Variants in XKR9 observed in about 807,000 individuals in gnomAD.
XKR9 encodes XK related 9.
In XKR9, 32 loss-of-function variants were observed where a neutral mutation model predicts 32.0. The ratio of observed to expected loss-of-function variants is 1.00; its 90% CI spans 0.76 to 1.34. The LOEUF (loss-of-function observed/expected upper bound fraction) is 1.34, where lower values mean the gene tolerates loss of function less well. Ranked by LOEUF, XKR9 falls within the 40% of genes most tolerant of loss-of-function variation. The pLI is 0.00. For synonymous variants in XKR9, 168 were observed against 143.4 expected (o/e 1.17, Z -1.22); for missense variants, 546 against 429.7 (o/e 1.27, Z -2.39).
At chr8:71,044,143 T>C in the XKR9 span, among the ~76,000 whole-genome samples, 1 of 152,192 alleles carries the variant, frequency 6.6e-6, no homozygotes, top group Non-Finnish European at 1.5e-5. Flanking sequence ...CTAGGGGTAA[T>C]TTATTTGAAA....
Position 70,669,397 on chromosome 8 carries a change from C to T in XKR9, c.-502C>T, listed in dbSNP as rs1021969093. On this transcript the variant is annotated 5_prime_UTR_variant, in exon 1 of 5. Transcript: ENST00000408926. ...CAGTGGTGGGAAGGCTGGCGCGAGG[C>T]GTGAGGTGGCGTGAGGCGAAGCTGG... The T allele has an allele frequency of 4.9e-6, 2 of 405,010 alleles. No homozygotes were observed. Among genetic ancestry groups the T allele is most frequent in the South Asian group, 2.8e-5 (1 of 35,474 alleles). 25.1% of individuals were successfully genotyped at this position (405,010 alleles called of 1,614,324 possible).
At chr8:70,690,201 C>T (rs1391917878) in intron 3 of XKR9, among the ~76,000 whole-genome samples, 2 of 152,088 alleles carry the variant, frequency 1.3e-5, no homozygotes, top group Non-Finnish European at 2.9e-5. Context: ...TATTACATCA[C>T]TCAGGTATTA....
the XKR9 span, among the ~76,000 whole-genome samples, chr8:71,046,945 A>G: frequency 1.3e-5 from 2 of 152,214 alleles, no homozygotes; most frequent in African/African-American, 4.8e-5. Flanking sequence ...TGGTCCTGAG[A>G]AAGAACATGG....
the XKR9 span, among the ~76,000 whole-genome samples, chr8:71,004,846 CTTTTTTT>C: frequency 2.0e-5 from 3 of 151,934 alleles, no homozygotes; most frequent in African/African-American, 7.3e-5. Context: ...TGATTTTTTT[CTTTTTTT>C]CTTTTTGTCA....
At chr8:70,775,859 C>T (rs1214905511) in intron 2 of XKR9, among the ~76,000 whole-genome samples, 7 of 151,944 alleles carry the variant, frequency 4.6e-5, no homozygotes, top group Admixed American at 1.3e-4. Context: ...ATCCTCTCAC[C>T]TTAGCCTCCT....
At chr8:70,677,443 T>A (rs1284185993) in intron 2 of XKR9, among the ~76,000 whole-genome samples, 1 of 152,184 alleles carries the variant, frequency 6.6e-6, no homozygotes, top group Admixed American at 6.5e-5. Flanking sequence ...CTACTGCACC[T>A]GGCCAAGATT....
At chr8:70,932,756 T>A in the XKR9 span, among the ~76,000 whole-genome samples, 15 of 152,254 alleles carry the variant, frequency 9.9e-5, no homozygotes, top group East Asian at 2.7e-3. Context: ...GTCCTCTTTT[T>A]GTAAGGACAT....
the XKR9 span, among the ~76,000 whole-genome samples, chr8:71,056,701 A>C: frequency 6.6e-6 from 1 of 152,302 alleles, no homozygotes; most frequent in South Asian, 2.1e-4. Context: ...AAAAATACTA[A>C]GTGCTCTGTA....
the XKR9 span, among the ~76,000 whole-genome samples, chr8:70,970,482 C>T: frequency 6.6e-6 from 1 of 152,076 alleles, no homozygotes; most frequent in African/African-American, 2.4e-5. Flanking sequence ...GCCCACCCCC[C>T]AACAGGCCCC....
At chr8:70,803,117 A>G in the XKR9 span, among the ~76,000 whole-genome samples, 1 of 152,106 alleles carries the variant, frequency 6.6e-6, no homozygotes, top group Non-Finnish European at 1.5e-5. Flanking sequence ...CTCTTTATGT[A>G]ATCTCATATT....
At chr8:70,816,247 G>A in the XKR9 span, among the ~76,000 whole-genome samples, 1 of 152,148 alleles carries the variant, frequency 6.6e-6, no homozygotes, top group Non-Finnish European at 1.5e-5. Context: ...ACGATTGAAA[G>A]GACAACCTTT....
chr8:70,707,551 G>A (rs1027665222), intron 4 of XKR9, among the ~76,000 whole-genome samples: 2 of 151,686 alleles, frequency 1.3e-5, no homozygotes, highest in African/African-American at 4.8e-5. Flanking sequence ...GCATAGTATT[G>A]CAAATTATGA....
intron 4 of XKR9, among the ~76,000 whole-genome samples, chr8:70,730,984 A>G (rs1806644854): frequency 6.6e-6 from 1 of 152,198 alleles, no homozygotes; most frequent in African/African-American, 2.4e-5. Context: ...TAAGGACACA[A>G]CACAAGATAG....
chr8:70,723,374 G>A (rs1469077283), intron 4 of XKR9, among the ~76,000 whole-genome samples: 1 of 152,182 alleles, frequency 6.6e-6, no homozygotes, highest in Non-Finnish European at 1.5e-5. Context: ...TCCTTTGTAA[G>A]AGAAGAGATA....
chr8:70,786,550 GT>G (rs1308895748), intron 2 of XKR9, among the ~76,000 whole-genome samples: 2 of 151,916 alleles, frequency 1.3e-5, no homozygotes, highest in African/African-American at 4.8e-5. Context: ...TCTTTTTACA[GT>G]TTTTGACAAA....
chr8:71,050,236 G>GAT, the XKR9 span, among the ~76,000 whole-genome samples: 26,294 of 122,036 alleles, frequency 0.22, 3,241 homozygotes, highest in Non-Finnish European at 0.29. Flanking sequence ...GCCTGGCAGA[G>GAT]ATATATATAT....
the XKR9 span, among the ~76,000 whole-genome samples, chr8:70,830,141 G>T: frequency 1.3e-5 from 2 of 152,066 alleles, no homozygotes; most frequent in African/African-American, 4.8e-5. Context: ...TTGTTGGTCT[G>T]TTTTCTTTGT....
intron 2 of XKR9, among the ~76,000 whole-genome samples, chr8:70,675,923 A>G (rs1322710955): frequency 6.6e-6 from 1 of 152,106 alleles, no homozygotes; most frequent in Non-Finnish European, 1.5e-5. Flanking sequence ...CACTGTTTTC[A>G]TGTTTTCAGG....
intron 2 of XKR9, among the ~76,000 whole-genome samples, chr8:70,766,771 A>G (rs1807381897): frequency 6.6e-6 from 1 of 152,170 alleles, no homozygotes; most frequent in African/African-American, 2.4e-5. Flanking sequence ...GATATGTTCC[A>G]TCAATACCTA....
Sources: gnomAD v4.1 joint callset for allele counts (sites outside exome capture counted in the v4.1 genomes callset) on GRCh38, gnomAD v4.1.1 for gene constraint, MANE v1.5 for transcripts, NCBI Gene and HGNC (gene_info 2026-07-23, HGNC 2026-07-21) for gene names.